The following NT5C2 variants were observed in gnomAD, a reference collection of about 807,000 sequenced individuals.
The protein encoded by NT5C2 is cytosolic purine 5'-nucleotidase.
In NT5C2, 58 loss-of-function variants were observed where a neutral mutation model predicts 76.1. The ratio of observed to expected loss-of-function variants is 0.76; its 90% CI spans 0.62 to 0.95. NT5C2 has a LOEUF of 0.95. Ranked by LOEUF, NT5C2 falls within the 40% of genes least tolerant of loss-of-function variation. NT5C2 has a pLI of 0.00. For synonymous variants in NT5C2, 229 were observed against 237.4 expected (o/e 0.96, Z 0.32); for missense variants, 478 against 690.3 (o/e 0.69, Z 3.45).
rs1293195135 is a variant in NT5C2, at chr10:103,156,444, T to TAAA, written c.102-16968_102-16966dup. ...TCCTAATAATGGATGTAGTAACAATTAAAGTCCTCTTTTAAAAAGCTTTCA... is the reference window on the plus strand; with the variant it reads ...TCCTAATAATGGATGTAGTAACAATTAAAAAAGTCCTCTTTTAAAAAGCTTTCA... On this transcript the variant is annotated intron_variant, in intron 3 of 18. Coordinates refer to ENST00000404739, the MANE Select transcript of NT5C2 (RefSeq NM_001351169.2). Among the ~76,000 whole-genome samples the TAAA allele has an allele frequency of 2.0e-5, 3 of 152,228 alleles. No homozygotes were observed. The East Asian group carries it at 5.8e-4, about 29-fold the overall frequency.
chr10:103,097,437 G>T, intron 10 of NT5C2, 63 bp from the exon 11 acceptor site: 9 of 1,347,926 alleles, frequency 6.7e-6, no homozygotes, highest in Non-Finnish European at 8.5e-6. Context: ...CTTTGGAGTT[G>T]TCAAATACTG....
chr10:103,181,000 A>G (rs1390186437), intron 2 of NT5C2, among the ~76,000 whole-genome samples, 185 bp downstream of exon 2: 1 of 152,166 alleles, frequency 6.6e-6, no homozygotes, highest in East Asian at 1.9e-4. Context: ...CTGACAGAAC[A>G]CAGACCAGTG....
intron 4 of NT5C2, among the ~76,000 whole-genome samples, chr10:103,134,395 C>T (rs1406821096): frequency 6.6e-6 from 1 of 152,192 alleles, no homozygotes; most frequent in Admixed American, 6.5e-5. Context: ...ATATAGAGCT[C>T]GGGCTGTGGC....
At chr10:103,192,896 G>C (rs990025299) in intron 1 of NT5C2, among the ~76,000 whole-genome samples, 2 of 152,200 alleles carry the variant, frequency 1.3e-5, no homozygotes, top group Non-Finnish European at 2.9e-5. Context: ...GCGGCGAACG[G>C]CCGCGCTGGG....
In NT5C2 at chr10:103,090,734, GC is replaced by G; in HGVS notation, c.1325del (p.Arg442ProfsTer13). The G allele has an allele frequency of 6.2e-7, 1 of 1,614,186 alleles. No individual in the cohort carries two copies. The highest frequency in any genetic ancestry group is 8.5e-7 in the Non-Finnish European group (1 of 1,180,046). On this transcript the variant is annotated frameshift_variant, in exon 18 of 19. Coordinates refer to ENST00000404739, the MANE Select transcript of NT5C2 (RefSeq NM_001351169.2). LOFTEE classifies it high-confidence loss of function. ...MCYGMMGSLF[R>X]SGSRQTLFAS... ...CAAAAAGGGTCTGCCGGGAGCCACTGCGAAACAGGCTTCCCATCATCCCATA... is the reference window on the plus strand; with the variant it reads ...CAAAAAGGGTCTGCCGGGAGCCACTGGAAACAGGCTTCCCATCATCCCATA...
At chr10:103,144,780 G>A (rs1359938669) in intron 3 of NT5C2, among the ~76,000 whole-genome samples, 1 of 152,152 alleles carries the variant, frequency 6.6e-6, no homozygotes, top group African/African-American at 2.4e-5. Context: ...TCTTTAGGGA[G>A]CAGAAAGAGC....
intron 3 of NT5C2, chr10:103,146,054 T>C: frequency 1.0e-6 from 1 of 985,454 alleles, no homozygotes; most frequent in Non-Finnish European, 1.2e-6. Context: ...GTTGCCGTTT[T>C]GAAAAGTGTA....
chr10:103,121,904 T>C (rs914186873), intron 4 of NT5C2, among the ~76,000 whole-genome samples: 2 of 152,214 alleles, frequency 1.3e-5, no homozygotes, highest in African/African-American at 4.8e-5. Flanking sequence ...CCAGGCACGA[T>C]GGCTCAAGCC....
At position 103,091,532 on chromosome 10, in the gene NT5C2, G is replaced by GT. The variant is rs542202798; in HGVS notation, c.1211+31dup. ...TTATATCTAAGTGATTCCTGAGTAA[G>GT]TTTTTGGGAAAGAAATTTTTAGAAA... On this transcript the variant is annotated intron_variant, in intron 16 of 18. Coordinates refer to ENST00000404739, the MANE Select transcript of NT5C2 (RefSeq NM_001351169.2). 8.8e-5 allele frequency: 137 copies of GT among 1,556,994 alleles called. No homozygotes were observed. In the East Asian group the frequency reaches 2.3e-3, roughly 27 times the overall value.
In NT5C2 at chr10:103,167,519, C is replaced by T. The variant is rs182186152; in HGVS notation, c.101+7339G>A. On this transcript the variant is annotated intron_variant, in intron 3 of 18. Coordinates refer to ENST00000404739, the MANE Select transcript of NT5C2 (RefSeq NM_001351169.2). ...AGCTGAATGACATTCATATGATATCCATAAGTGATTAAAAGAGAAATTAAA... is the reference window on the plus strand; with the variant it reads ...AGCTGAATGACATTCATATGATATCTATAAGTGATTAAAAGAGAAATTAAA... Among the ~76,000 whole-genome samples the T allele has an allele frequency of 6.6e-4, 101 of 152,092 alleles. 1 individual carries two copies. Among genetic ancestry groups the T allele is most frequent in the Admixed American group, 6.5e-3 (99 of 15,270 alleles).
chr10:103,171,928 G>A (rs1009946358), intron 3 of NT5C2, among the ~76,000 whole-genome samples: 1 of 152,056 alleles, frequency 6.6e-6, no homozygotes, highest in African/African-American at 2.4e-5. Context: ...TACAGGTTAA[G>A]GCCGGGAGCA....
chr10:103,105,484 A>G (rs896448729), intron 6 of NT5C2: 6 of 566,606 alleles, frequency 1.1e-5, no homozygotes, highest in African/African-American at 3.8e-5. Context: ...TGTATGCTGT[A>G]TAATTGGAAG....
At chr10:103,116,767 G>A (rs1160033153) in intron 4 of NT5C2, among the ~76,000 whole-genome samples, 2 of 150,446 alleles carry the variant, frequency 1.3e-5, no homozygotes, top group Non-Finnish European at 3.0e-5. Flanking sequence ...TAAAGATGGG[G>A]TCTCACCATA....
chr10:103,149,100 G>A (rs1421445829), intron 3 of NT5C2, among the ~76,000 whole-genome samples: 1 of 152,168 alleles, frequency 6.6e-6, no homozygotes, highest in African/African-American at 2.4e-5. Flanking sequence ...AGTCAGTCAT[G>A]TAGGTTGTGC....
At chr10:103,106,847 G>C (rs1306526264) in intron 4 of NT5C2, 141 bp from the exon 5 acceptor site, 4 of 657,980 alleles carry the variant, frequency 6.1e-6, no homozygotes, top group African/African-American at 1.8e-5. Flanking sequence ...CAAACTCCAT[G>C]TTCTGTATTG....
intron 5 of NT5C2, 118 bp from the exon 6 acceptor site, chr10:103,105,919 A>G: frequency 1.5e-6 from 1 of 665,228 alleles, no homozygotes; most frequent in Non-Finnish European, 2.6e-6. Flanking sequence ...ACCAACTCAA[A>G]GTATGTCCTA....
At chr10:103,135,817 G>T (rs538053557) in intron 4 of NT5C2, among the ~76,000 whole-genome samples, 6 of 151,826 alleles carry the variant, frequency 4.0e-5, no homozygotes, top group African/African-American at 1.5e-4. Flanking sequence ...GGGCGTGGTG[G>T]CTCATGCCTG....
intron 4 of NT5C2, among the ~76,000 whole-genome samples, chr10:103,119,120 A>G (rs1040315386): frequency 2.0e-5 from 3 of 152,196 alleles, no homozygotes; most frequent in Non-Finnish European, 4.4e-5. Context: ...CTGTAATCCC[A>G]GTACTTTGGG....
At position 103,128,092 on chromosome 10, in the gene NT5C2, T is replaced by TCTCCCTCTCC. The variant is rs2135934013; in HGVS notation, c.175+11304_175+11313dup. ...CCCTCTCCCTCTCCCTCTCCCTCTG[T>TCTCCCTCTCC]CTCCCTCTCCCCACGGTCTCCCTCT... On this transcript the variant is annotated intron_variant, in intron 4 of 18. Coordinates refer to ENST00000404739, the MANE Select transcript of NT5C2 (RefSeq NM_001351169.2). Among the ~76,000 whole-genome samples, 3 of 138,732 alleles carry TCTCCCTCTCC rather than the reference T, an allele frequency of 2.2e-5. No homozygotes were observed. In the East Asian group the frequency reaches 7.7e-4, roughly 36 times the overall value. The allele number at this position is 138,732 out of a possible 152,430, so 91.0% of individuals were successfully genotyped here. A position where few individuals can be genotyped will look rare whatever the true frequency, so the allele number is the denominator to read the frequency against.
Sources: gnomAD v4.1 joint callset for allele counts (sites outside exome capture counted in the v4.1 genomes callset) on GRCh38, gnomAD v4.1.1 for gene constraint, MANE v1.5 for transcripts, NCBI Gene and HGNC (gene_info 2026-07-23, HGNC 2026-07-21) for gene names.